Variants in SLC15A3 observed in about 807,000 individuals in gnomAD.
The protein encoded by SLC15A3 is osteoclast transporter.
In SLC15A3, 39 loss-of-function variants were observed where a neutral mutation model predicts 49.2. That is an observed-to-expected ratio of 0.79 (90% CI 0.61 to 1.04). SLC15A3 has a LOEUF of 1.04. Among genes scored for constraint, SLC15A3 ranks in the 50% least tolerant of loss-of-function variants. SLC15A3 has a pLI of 0.00. For synonymous variants in SLC15A3, 339 were observed against 367.0 expected (o/e 0.92, Z 0.87); for missense variants, 758 against 794.8 (o/e 0.95, Z 0.56).
intron 6 of SLC15A3, among the ~76,000 whole-genome samples, chr11:60,938,560 G>C (rs930343199): frequency 2.0e-5 from 3 of 151,990 alleles, no homozygotes; most frequent in Non-Finnish European, 4.4e-5. Context: ...GTCCTTTCCC[G>C]GCCAAAACCC....
In SLC15A3 at chr11:60,937,252, G is replaced by A. The variant is rs1214074605; in HGVS notation, c.1713C>T (p.Ala571=). Residue 571 remains alanine, a synonymous_variant, in exon 8 of 8, where the codon GCC becomes GCT. Coordinates refer to ENST00000227880, the MANE Select transcript of SLC15A3 (RefSeq NM_016582.3). The part of the protein sequence containing the change: ...GRYERASQGP[A]SHSRFSRDRG ...TGTCCCTGCTGAAACGGCTGTGGGA[G>A]GCTGGGCCCTGGGACGCCCTCTCAT... The A allele has an allele frequency of 1.9e-6, 3 of 1,614,038 alleles. No individual in the cohort carries two copies. Among genetic ancestry groups the A allele is most frequent in the Non-Finnish European group, 2.5e-6 (3 of 1,180,024 alleles).
chr11:60,941,535 A>G (rs752250450), intron 4 of SLC15A3: 28 of 457,712 alleles, frequency 6.1e-5, no homozygotes, highest in African/African-American at 2.0e-5. Context: ...TTATGGGCTC[A>G]GCATAAAAAA....
rs560874973 is a variant in SLC15A3 at position 60,937,583 on chromosome 11, G to A, written c.1592-210C>T. 983 of 746,564 alleles carry A rather than the reference G, an allele frequency of 1.3e-3. 5 individuals carry two copies. Among genetic ancestry groups the A allele is most frequent in the South Asian group, 1.8e-3 (115 of 63,418 alleles). 46.2% of individuals were successfully genotyped at this position (746,564 alleles called of 1,614,324 possible). A position where few individuals can be genotyped will look rare whatever the true frequency, so the allele number is the denominator to read the frequency against. On this transcript the variant is annotated intron_variant, in intron 7 of 7. Coordinates refer to ENST00000227880, the MANE Select transcript of SLC15A3 (RefSeq NM_016582.3). Reference sequence around the variant, plus strand: ...CCTCTTCAGCTATTCAGAAGGGGGCGTGAAATATAAACACCATGAGAAAGG... The same window carrying A: ...CCTCTTCAGCTATTCAGAAGGGGGCATGAAATATAAACACCATGAGAAAGG...
chr11:60,942,157 G>A lies in SLC15A3; in HGVS notation c.997-12C>T. Reference sequence around the variant, plus strand: ...TAGGTGGACTGCATCTGCCAAGAGAGACAGGGGTGAGGCTGGAACAGAAAC... The same window carrying A: ...TAGGTGGACTGCATCTGCCAAGAGAAACAGGGGTGAGGCTGGAACAGAAAC... On this transcript the variant is annotated splice_polypyrimidine_tract_variant and intron_variant, in intron 3 of 7. Transcript: ENST00000227880. 6.2e-7 allele frequency: 1 copy of A among 1,611,388 alleles called. No individual in the cohort carries two copies. The highest frequency in any genetic ancestry group is 8.5e-7 in the Non-Finnish European group (1 of 1,177,728).
intron 6 of SLC15A3, 194 bp from the exon 7 acceptor site, chr11:60,938,219 T>C: frequency 3.1e-6 from 2 of 642,012 alleles, no homozygotes; most frequent in Non-Finnish European, 5.2e-6. Context: ...CTCACCTGCC[T>C]CCTGGCTGAA....
chr11:60,946,865 G>A, intron 1 of SLC15A3, 44 bp from the exon 2 acceptor site: 1 of 1,573,098 alleles, frequency 6.4e-7, no homozygotes, highest in Non-Finnish European at 8.6e-7. Flanking sequence ...AAGGGGTCCG[G>A]GGCACTCTCT....
rs1856642956 is a variant in SLC15A3, at chr11:60,937,837, C to A, written c.1591+33G>T. ...CCTCCTTTCCAAGCCTCCCTCCATC[C>A]ATGTCCCACTCCTGGGGAGGCCCCA... is the stretch of plus-strand genomic sequence containing the variant. On this transcript the variant is annotated intron_variant, in intron 7 of 7. Coordinates refer to ENST00000227880, the MANE Select transcript of SLC15A3 (RefSeq NM_016582.3). 3 of 1,603,570 alleles carry A rather than the reference C, an allele frequency of 1.9e-6. No homozygotes were observed. In the African/African-American group the frequency reaches 4.0e-5, roughly 22 times the overall value.
chr11:60,939,902 T>G (rs1035549623), intron 5 of SLC15A3: 1 of 446,766 alleles, frequency 2.2e-6, no homozygotes, highest in Non-Finnish European at 4.0e-6. Context: ...GAACCTGTTA[T>G]GTGCTAGGCA....
chr11:60,950,864 C>G (rs985888910), intron 1 of SLC15A3, 130 bp downstream of exon 1: 1 of 988,800 alleles, frequency 1.0e-6, no homozygotes, highest in Admixed American at 4.0e-5. Context: ...AAGGGCTAGC[C>G]CCCCTCTTCT....
chr11:60,939,419 T>C, intron 6 of SLC15A3, 61 bp downstream of exon 6: 6 of 1,589,178 alleles, frequency 3.8e-6, no homozygotes, highest in Non-Finnish European at 5.1e-6. Context: ...TACCTGACTT[T>C]GAGGTGCCAC....
At chr11:60,939,807 A>AC (rs1366160964) in intron 5 of SLC15A3, 169 bp from the exon 6 acceptor site, 1 of 708,394 alleles carries the variant, frequency 1.4e-6, no homozygotes, top group East Asian at 2.7e-5. Flanking sequence ...CCAAGATGTG[A>AC]CCAACTCCTC....
Position 60,952,118 on chromosome 11 carries a change from C to G in SLC15A3, c.-567G>C, listed in dbSNP as rs1387519169. 6.6e-6 allele frequency among the ~76,000 whole-genome samples: 1 copy of G among 152,010 alleles called. No individual in the cohort carries two copies. The highest frequency in any genetic ancestry group is 1.9e-4 in the East Asian group (1 of 5,152). On this transcript the variant is annotated 5_prime_UTR_variant, in exon 1 of 8. Coordinates refer to ENST00000227880, the MANE Select transcript of SLC15A3 (RefSeq NM_016582.3). ...ACTGCCTACACTCCCCTCTCAGTCC[C>G]CTGCAGCCCTCCCCCCAGGCTCAGC... is the stretch of plus-strand genomic sequence containing the variant.
chr11:60,941,490 CT>C, intron 4 of SLC15A3, 200 bp from the exon 5 acceptor site: 1 of 522,336 alleles, frequency 1.9e-6, no homozygotes, highest in Admixed American at 3.7e-5. Flanking sequence ...TGTATTCTAA[CT>C]TTTATCAATT....
At chr11:60,947,543 A>G (rs745351007) in intron 1 of SLC15A3, among the ~76,000 whole-genome samples, 14 of 152,180 alleles carry the variant, frequency 9.2e-5, no homozygotes, top group Non-Finnish European at 1.8e-4. Flanking sequence ...CATTATTAAA[A>G]ATGTTGTATG....
At chr11:60,945,554 C>A (rs1234960107) in intron 2 of SLC15A3, among the ~76,000 whole-genome samples, 1 of 152,200 alleles carries the variant, frequency 6.6e-6, no homozygotes, top group Admixed American at 6.5e-5. Context: ...AGCAATATGC[C>A]AGACTGGGGA....
chr11:60,950,996 G>T lies in SLC15A3; in HGVS notation c.556C>A (p.Gln186Lys), dbSNP rs1045136134. ...GGGGCAGGCCTCCTGCCACTCACCT[G>T]GTCGGCACCGAAGGAGGTGAGGTTG... ...RSNLTSFGAD[Q>K]VMDLGRDATR... The change falls in exon 1 of 8, where the codon CAG (glutamine) becomes AAG (lysine). Residue 186 changes from glutamine to lysine, a missense_variant and splice_region_variant. Around this residue, in one of 3 missense-constraint regions of SLC15A3, gnomAD observed 699 missense variants for 706.7 expected, o/e 0.99. Coordinates refer to ENST00000227880, the MANE Select transcript of SLC15A3 (RefSeq NM_016582.3). 2.0e-6 allele frequency: 3 copies of T among 1,472,422 alleles called. No homozygotes were observed. The highest frequency in any genetic ancestry group is 2.9e-5 in the East Asian group (1 of 34,720). The allele number at this position is 1,472,422 out of a possible 1,614,324, so 91.2% of individuals were successfully genotyped here. A position where few individuals can be genotyped will look rare whatever the true frequency, so the allele number is the denominator to read the frequency against.
intron 2 of SLC15A3, among the ~76,000 whole-genome samples, chr11:60,945,570 T>C (rs977692629): frequency 6.6e-6 from 1 of 152,244 alleles, no homozygotes; most frequent in African/African-American, 2.4e-5. Flanking sequence ...GGGGAAAGCA[T>C]GTTCTTCACC....
rs1040401585 is a variant in SLC15A3, at chr11:60,939,597, C to T, written c.1318G>A (p.Glu440Lys). 6 of 1,614,168 alleles carry T rather than the reference C, an allele frequency of 3.7e-6. No individual in the cohort carries two copies. Among genetic ancestry groups the T allele is most frequent in the Non-Finnish European group, 5.1e-6 (6 of 1,180,014 alleles). Residue 440 changes from glutamate (E) to lysine (K), a missense_variant, in exon 6 of 8, where the codon GAG (glutamate) becomes AAG (lysine). This residue lies in a region of SLC15A3 where 699 missense variants were observed against 706.7 expected (regional missense o/e 0.99). Transcript: ENST00000227880. Reference protein sequence around the residue: ...MERLHYIHHNETVSQQIGEVL... With the variant: ...MERLHYIHHNKTVSQQIGEVL... ...TCCCCAATCTGCTGGGACACGGTCT[C>T]GTTGTGGTGGATGTAGTGTAAGCGC...
Position 60,939,566 on chromosome 11 carries a change from A to C in SLC15A3, c.1349T>G (p.Leu450Arg), listed in dbSNP as rs775709518. 6.2e-7 allele frequency: 1 copy of C among 1,614,174 alleles called. No individual in the cohort carries two copies. Among genetic ancestry groups the C allele is most frequent in the Non-Finnish European group, 8.5e-7 (1 of 1,180,012 alleles). Reference protein sequence around the residue: ...ETVSQQIGEVLYNAAPLSIWW... With the variant: ...ETVSQQIGEVRYNAAPLSIWW... ...GATGGACAGTGGTGCCGCGTTGTAC[A>C]GGACCTCCCCAATCTGCTGGGACAC... Residue 450 changes from leucine to arginine, a missense_variant, in exon 6 of 8, where the codon CTG (leucine) becomes CGG (arginine). By Grantham distance (102) the Leu-to-Arg change is moderately radical. This residue lies in a region of SLC15A3 where 699 missense variants were observed against 706.7 expected (regional missense o/e 0.99). Transcript: ENST00000227880.
Sources: gnomAD v4.1 joint callset for allele counts (sites outside exome capture counted in the v4.1 genomes callset) on GRCh38, gnomAD v4.1.1 for gene constraint, gnomAD v4.1.1 regional missense constraint, MANE v1.5 for transcripts, NCBI Gene and HGNC (gene_info 2026-07-23, HGNC 2026-07-21) for gene names.